The following CAST variants were observed in gnomAD, a reference collection of about 807,000 sequenced individuals.
The protein encoded by CAST is MIR583 host.
In CAST, 76 loss-of-function variants were observed where a neutral mutation model predicts 119.6. The observed-to-expected ratio is 0.64, with a 90% confidence interval of 0.53 to 0.77. CAST has a LOEUF of 0.77. Ranked by LOEUF, CAST falls within the 30% of genes least tolerant of loss-of-function variation. The pLI is 0.00. For missense variants in CAST, 953 were observed against 946.5 expected, an observed-to-expected ratio of 1.01 and a Z score of -0.09; for synonymous variants, 319 against 331.6, an observed-to-expected ratio of 0.96 and a Z score of 0.41.
the CAST span, among the ~76,000 whole-genome samples, chr5:96,387,397 C>T: frequency 2.0e-5 from 3 of 152,128 alleles, 1 homozygote; most frequent in Non-Finnish European, 1.5e-5. Flanking sequence ...AGCCAAGGGC[C>T]TAGATGCTCA....
At chr5:96,304,638 G>A in the CAST span, among the ~76,000 whole-genome samples, 3 of 152,190 alleles carry the variant, frequency 2.0e-5, no homozygotes, top group Non-Finnish European at 4.4e-5. Flanking sequence ...AAGGTGTAAG[G>A]AAGGGGTCCA....
Position 96,741,478 on chromosome 5 carries a change from G to C in CAST, c.1012-16G>C, listed in dbSNP as rs758219350. ...TCCTCATCTGTAAGTCTAATCTTTT[G>C]TATTTTGTTTTTCAGGAATCTACAG... is the stretch of plus-strand genomic sequence containing the variant. On this transcript the variant is annotated splice_polypyrimidine_tract_variant and intron_variant, in intron 14 of 31. Transcript: ENST00000675179. 3.8e-6 allele frequency: 6 copies of C among 1,595,442 alleles called. No individual in the cohort carries two copies. The South Asian group carries it at 6.6e-5, about 18-fold the overall frequency.
At chr5:96,441,991 G>C in the CAST span, among the ~76,000 whole-genome samples, 1 of 152,106 alleles carries the variant, frequency 6.6e-6, no homozygotes, top group East Asian at 1.9e-4. Flanking sequence ...ATTTTCACAA[G>C]GATTTCCATC....
intron 1 of CAST, among the ~76,000 whole-genome samples, chr5:96,576,469 G>A (rs1008169632): frequency 1.6e-4 from 25 of 151,566 alleles, no homozygotes; most frequent in Admixed American, 2.6e-4. Context: ...CTCAGCCTCC[G>A]GAGTAACTGG....
At chr5:96,255,793 AAT>A in the CAST span, among the ~76,000 whole-genome samples, 1 of 152,142 alleles carries the variant, frequency 6.6e-6, no homozygotes, top group Non-Finnish European at 1.5e-5. Flanking sequence ...TCCCAAGGAT[AAT>A]ATATATAAGC....
chr5:96,663,949 A>G (rs1436177818), intron 1 of CAST, among the ~76,000 whole-genome samples: 2 of 152,150 alleles, frequency 1.3e-5, no homozygotes, highest in African/African-American at 4.8e-5. Flanking sequence ...CAAAAAAAAA[A>G]AAAAAAATCA....
intron 1 of CAST, among the ~76,000 whole-genome samples, chr5:96,607,489 G>C (rs1356708611): frequency 6.6e-6 from 1 of 152,160 alleles, no homozygotes; most frequent in Non-Finnish European, 1.5e-5. Context: ...TTCTTCAGAA[G>C]GAAATCGAAT....
At chr5:96,039,042 T>C in the CAST span, among the ~76,000 whole-genome samples, 4 of 152,214 alleles carry the variant, frequency 2.6e-5, no homozygotes, top group Non-Finnish European at 4.4e-5. Flanking sequence ...TGTTGTTTCC[T>C]GATATTTTAA....
chr5:96,096,060 G>C, the CAST span, among the ~76,000 whole-genome samples: 3 of 152,268 alleles, frequency 2.0e-5, no homozygotes, highest in African/African-American at 7.2e-5. Flanking sequence ...CACAGTGAAA[G>C]ACCTAACCTC....
chr5:96,616,744 CTATA>C (rs755651461), intron 1 of CAST, among the ~76,000 whole-genome samples: 100 of 123,072 alleles, frequency 8.1e-4, no homozygotes, highest in Middle Eastern at 7.9e-3. Flanking sequence ...CTCTCTCTCT[CTATA>C]TATATACACA....
the CAST span, chr5:96,215,190 G>A: frequency 2.0e-5 from 3 of 152,196 alleles, no homozygotes; most frequent in East Asian, 3.9e-4. Flanking sequence ...TACAGCAGGG[G>A]TTCTCAAACT....
chr5:96,169,517 T>A, the CAST span, among the ~76,000 whole-genome samples: 2 of 152,174 alleles, frequency 1.3e-5, no homozygotes, highest in South Asian at 2.1e-4. Flanking sequence ...GTCCGGTTTT[T>A]GGACAGGTAA....
chr5:96,632,783 T>G (rs571523667), intron 1 of CAST, among the ~76,000 whole-genome samples: 14 of 151,750 alleles, frequency 9.2e-5, no homozygotes, highest in African/African-American at 3.4e-4. Context: ...TTCTATTCCA[T>G]TGGTCTATAT....
chr5:96,671,870 C>A (rs762296945), intron 1 of CAST, among the ~76,000 whole-genome samples: 1 of 152,170 alleles, frequency 6.6e-6, no homozygotes, highest in Non-Finnish European at 1.5e-5. Context: ...TATGTCATTC[C>A]CAAGTATTTC....
At chr5:96,530,201 A>C (rs1745666450) in intron 1 of CAST, among the ~76,000 whole-genome samples, 1 of 152,178 alleles carries the variant, frequency 6.6e-6, no homozygotes, top group Admixed American at 6.5e-5. Flanking sequence ...GAGCAGCCTT[A>C]GGTAGGGTAA....
the CAST span, among the ~76,000 whole-genome samples, chr5:96,205,764 A>C: frequency 6.6e-6 from 1 of 152,012 alleles, no homozygotes. Flanking sequence ...TCTGAATAGT[A>C]CTTTGACAAA....
At chr5:96,063,243 G>A in the CAST span, among the ~76,000 whole-genome samples, 1 of 152,118 alleles carries the variant, frequency 6.6e-6, no homozygotes, top group East Asian at 1.9e-4. Flanking sequence ...ATCTCTGCCT[G>A]GGTATTAGCT....
At chr5:96,533,925 T>C (rs779274482) in intron 1 of CAST, among the ~76,000 whole-genome samples, 1 of 152,214 alleles carries the variant, frequency 6.6e-6, no homozygotes, top group Non-Finnish European at 1.5e-5. Flanking sequence ...TGCTAGACTA[T>C]GGTTAGTCAA....
chr5:96,152,162 A>G, the CAST span, among the ~76,000 whole-genome samples: 1 of 152,214 alleles, frequency 6.6e-6, no homozygotes, highest in African/African-American at 2.4e-5. Flanking sequence ...TCGAGGTAAG[A>G]TGTCAATGAC....
Sources: allele counts gnomAD v4.1 joint callset (sites outside exome capture counted in the v4.1 genomes callset), GRCh38; gene constraint gnomAD v4.1.1; transcripts MANE v1.5; gene names NCBI Gene and HGNC (gene_info 2026-07-23, HGNC 2026-07-21).